SLC9B1: variants seen among roughly 807,000 people sequenced by gnomAD.
SLC9B1 encodes solute carrier family 9 member B1.
Under a neutral mutation model 51.7 loss-of-function variants are expected in SLC9B1, and 32 were observed. The ratio of observed to expected loss-of-function variants is 0.62; its 90% CI spans 0.47 to 0.83. The LOEUF is 0.83. Ranked by LOEUF, SLC9B1 falls within the 40% of genes least tolerant of loss-of-function variation. The pLI is 0.00. For synonymous variants in SLC9B1, 145 were observed against 212.7 expected (o/e 0.68, Z 2.77); for missense variants, 406 against 613.2 (o/e 0.66, Z 3.57).
chr4:102,932,973 G>GT (rs1265015853), intron 6 of SLC9B1, among the ~76,000 whole-genome samples: 1 of 152,216 alleles, frequency 6.6e-6, no homozygotes, highest in African/African-American at 2.4e-5. Flanking sequence ...TTCTGGAGTG[G>GT]TTGATGACAC....
chr4:102,934,474 G>C (rs181963976), intron 6 of SLC9B1, among the ~76,000 whole-genome samples: 1 of 152,162 alleles, frequency 6.6e-6, no homozygotes, highest in Non-Finnish European at 1.5e-5. Flanking sequence ...CATAATAAAT[G>C]TTAAAAGCTC....
At chr4:102,977,444 T>C (rs968704097) in intron 3 of SLC9B1, among the ~76,000 whole-genome samples, 1 of 152,142 alleles carries the variant, frequency 6.6e-6, no homozygotes, top group East Asian at 1.9e-4. Context: ...TAATTTATTA[T>C]TATGCTTGTA....
chr4:102,960,547 C>T (rs918187649), intron 3 of SLC9B1, among the ~76,000 whole-genome samples: 2 of 151,842 alleles, frequency 1.3e-5, no homozygotes, highest in African/African-American at 2.4e-5. Context: ...TTTAGGAAGC[C>T]TTGTTATTTT....
At chr4:103,015,340 G>A (rs1741263598) in intron 1 of SLC9B1, among the ~76,000 whole-genome samples, 1 of 151,660 alleles carries the variant, frequency 6.6e-6, no homozygotes, top group Non-Finnish European at 1.5e-5. Context: ...AGAAGGGTAG[G>A]TAGGTGGCAC....
In SLC9B1 at chr4:102,943,166, T is replaced by TAA. The variant is rs139951941; in HGVS notation, c.653+2025_653+2026dup. Among the ~76,000 whole-genome samples the TAA allele has an allele frequency of 4.4e-3, 640 of 144,242 alleles. 6 individuals are homozygous for TAA. Among genetic ancestry groups the TAA allele is most frequent in the African/African-American group, 0.012 (481 of 39,164 alleles). 94.6% of individuals were successfully genotyped at this position (144,242 alleles called of 152,430 possible). A position where few individuals can be genotyped will look rare whatever the true frequency, so the allele number is the denominator to read the frequency against. ...CCAAGAATAGCCATAATCAAAAAAA[T>TAA]AAAAAAAAAAAATAGATGTTGCCAT... is the stretch of plus-strand genomic sequence containing the variant. On this transcript the variant is annotated intron_variant, in intron 6 of 11. Coordinates refer to ENST00000296422, the MANE Select transcript of SLC9B1 (RefSeq NM_139173.4).
intron 11 of SLC9B1, chr4:102,889,474 A>G (rs1734119337): frequency 1.3e-5 from 2 of 152,254 alleles, no homozygotes; most frequent in African/African-American, 2.4e-5. Flanking sequence ...AGTGGTTCCC[A>G]TAACTTAGAT....
chr4:102,917,829 G>C (rs1735659832), intron 7 of SLC9B1, among the ~76,000 whole-genome samples: 1 of 152,054 alleles, frequency 6.6e-6, no homozygotes, highest in Non-Finnish European at 1.5e-5. Context: ...CAGCACTTTG[G>C]GAGGCCGAGG....
intron 1 of SLC9B1, 106 bp from the exon 2 acceptor site, chr4:102,991,818 T>C: frequency 1.4e-6 from 1 of 704,102 alleles, no homozygotes; most frequent in Non-Finnish European, 2.2e-6. Flanking sequence ...TTTTTTGTTC[T>C]AAAGTTGTAT....
chr4:103,006,295 A>G (rs1740782649), intron 1 of SLC9B1, among the ~76,000 whole-genome samples: 1 of 152,096 alleles, frequency 6.6e-6, no homozygotes, highest in African/African-American at 2.4e-5. Flanking sequence ...CATCCCAATA[A>G]ACACAATTGG....
chr4:102,980,236 C>T (rs940993752), intron 3 of SLC9B1, among the ~76,000 whole-genome samples: 2 of 152,178 alleles, frequency 1.3e-5, no homozygotes, highest in Non-Finnish European at 2.9e-5. Context: ...CCAGCAATCC[C>T]ATTACTGGGT....
In SLC9B1 at chr4:102,978,532, A is replaced by T. The variant is rs1739196208; in HGVS notation, c.211+11268T>A. ...ATATGAACAGACTTCTCAAAAGAAG[A>T]CATTTATGCAGCCAAAAGACACATG... On this transcript the variant is annotated intron_variant, in intron 3 of 11. Coordinates refer to ENST00000296422, the MANE Select transcript of SLC9B1 (RefSeq NM_139173.4). 2.0e-5 allele frequency among the ~76,000 whole-genome samples: 3 copies of T among 152,360 alleles called. No individual in the cohort carries two copies. The South Asian group carries it at 6.2e-4, about 32-fold the overall frequency.
chr4:102,886,660 G>C (rs1733937425), intron 11 of SLC9B1, among the ~76,000 whole-genome samples: 1 of 151,664 alleles, frequency 6.6e-6, no homozygotes, highest in South Asian at 2.1e-4. Context: ...CTGTCACTCA[G>C]GCTGAAGTGT....
rs1430662021 is a variant in SLC9B1, at chr4:103,016,132, C to G, written c.-2+3467G>C. On this transcript the variant is annotated intron_variant, in intron 1 of 11. Transcript: ENST00000296422. ...CTGGACAACAAGAGCCAAACTCTGT[C>G]TCAAAAAAAAAAAAAAAAAAAGGAA... 1.1e-4 allele frequency among the ~76,000 whole-genome samples: 3 copies of G among 28,084 alleles called. No homozygotes were observed. The Admixed American group carries it at 1.2e-3, about 11-fold the overall frequency. The allele number at this position is 28,084 out of a possible 152,430, so 18.4% of individuals were successfully genotyped here. A position where few individuals can be genotyped will look rare whatever the true frequency, so the allele number is the denominator to read the frequency against.
rs116295913 is a variant in SLC9B1 at position 103,003,151 on chromosome 4, C to T, written c.-1-11439G>A. On this transcript the variant is annotated intron_variant, in intron 1 of 11. Coordinates refer to ENST00000296422, the MANE Select transcript of SLC9B1 (RefSeq NM_139173.4). ...ATATTTGTAATCTTTTCATCTTACACACTTGGATAATTCATCTACTATCTT... is the reference window on the plus strand; with the variant it reads ...ATATTTGTAATCTTTTCATCTTACATACTTGGATAATTCATCTACTATCTT... Among the ~76,000 whole-genome samples, 467 of 152,216 alleles carry T rather than the reference C, an allele frequency of 3.1e-3. 2 individuals are homozygous for T. The highest frequency in any genetic ancestry group is 0.011 in the African/African-American group (460 of 41,526).
At chr4:102,969,056 T>C (rs1312092729) in intron 3 of SLC9B1, among the ~76,000 whole-genome samples, 1 of 152,198 alleles carries the variant, frequency 6.6e-6, no homozygotes, top group Non-Finnish European at 1.5e-5. Context: ...TGGAGCTCAC[T>C]GCAGCTCAAC....
chr4:102,898,947 T>C (rs1392340317), downstream of SLC9B1, among the ~76,000 whole-genome samples: 1 of 152,110 alleles, frequency 6.6e-6, no homozygotes, highest in African/African-American at 2.4e-5. Flanking sequence ...TTCACCATGT[T>C]AGCCAGGATG....
chr4:102,965,969 C>T (rs552139416), intron 3 of SLC9B1, among the ~76,000 whole-genome samples: 282 of 152,314 alleles, frequency 1.9e-3, no homozygotes, highest in African/African-American at 6.6e-3. Context: ...CTCCACTCCA[C>T]GTGCTACCTC....
At chr4:102,963,520 G>T (rs1381485135) in intron 3 of SLC9B1, among the ~76,000 whole-genome samples, 2 of 152,212 alleles carry the variant, frequency 1.3e-5, no homozygotes, top group Non-Finnish European at 2.9e-5. Context: ...GTTGACTGTT[G>T]TATGCCCACT....
At chr4:102,955,172 G>A (rs1737721444) in intron 3 of SLC9B1, among the ~76,000 whole-genome samples, 1 of 151,948 alleles carries the variant, frequency 6.6e-6, no homozygotes, top group Admixed American at 6.6e-5. Flanking sequence ...CATGGGGGTG[G>A]TTCCCCCCAT....
Sources: gnomAD v4.1 joint callset for allele counts (sites outside exome capture counted in the v4.1 genomes callset) on GRCh38, gnomAD v4.1.1 for gene constraint, MANE v1.5 for transcripts, NCBI Gene and HGNC (gene_info 2026-07-23, HGNC 2026-07-21) for gene names.